The following ADGRV1 variants were observed in gnomAD, a reference collection of about 807,000 sequenced individuals.
The protein encoded by ADGRV1 is adhesion G protein-coupled receptor V1.
A neutral mutation model predicts 596.2 loss-of-function variants in ADGRV1; 359 were observed. The ratio of observed to expected loss-of-function variants is 0.60; its 90% CI spans 0.55 to 0.66. The LOEUF (loss-of-function observed/expected upper bound fraction) is 0.66, where lower values mean the gene tolerates loss of function less well. Ranked by LOEUF, ADGRV1 falls within the 30% of genes least tolerant of loss-of-function variation. ADGRV1 has a pLI of 0.00. For missense variants in ADGRV1, 7,274 were observed against 7,575.6 expected (o/e 0.96, Z 1.48); for synonymous variants, 2,681 against 2,679.2 (o/e 1.00, Z -0.02).
chr5:90,923,662 G>T (rs1436118026), intron 83 of ADGRV1, among the ~76,000 whole-genome samples: 1 of 151,926 alleles, frequency 6.6e-6, no homozygotes, highest in East Asian at 1.9e-4. Flanking sequence ...TAAGTTTTAG[G>T]GTACATGTGC....
chr5:91,138,746 G>A (rs550107936), intron 87 of ADGRV1, among the ~76,000 whole-genome samples: 3 of 149,676 alleles, frequency 2.0e-5, no homozygotes, highest in South Asian at 2.1e-4. Flanking sequence ...CCCAGAATTC[G>A]TCATTTTGCC....
At chr5:90,984,097 A>G (rs1232636768) in intron 84 of ADGRV1, among the ~76,000 whole-genome samples, 1 of 152,206 alleles carries the variant, frequency 6.6e-6, no homozygotes, top group Non-Finnish European at 1.5e-5. Context: ...ATCTCATTTA[A>G]TCTTTATAAT....
chr5:90,711,274 T>A lies in ADGRV1; in HGVS notation c.8994T>A (p.Ala2998=). The change falls in exon 41 of 90, where the codon GCT becomes GCA. Residue 2998 remains alanine, a synonymous_variant. Coordinates refer to ENST00000405460, the MANE Select transcript of ADGRV1 (RefSeq NM_032119.4). ...GCCATGTTTCCTTATTTGTGTATGC[T>A]CAGAATTTGGAAGCACAAGTGGGGC... ...PLGHVSLFVY[A]QNLEAQVGLD... 6.2e-7 allele frequency: 1 copy of A among 1,613,160 alleles called. No homozygotes were observed. Among genetic ancestry groups the A allele is most frequent in the Non-Finnish European group, 8.5e-7 (1 of 1,179,376 alleles).
intron 89 of ADGRV1, among the ~76,000 whole-genome samples, chr5:91,162,352 G>C (rs13179009): frequency 0.099 from 15,077 of 152,150 alleles, 902 homozygotes; most frequent in South Asian, 0.2. Context: ...GGTAGGAAGA[G>C]TGGAGGCAGC....
chr5:91,054,233 C>T (rs1786633452), intron 85 of ADGRV1, among the ~76,000 whole-genome samples: 1 of 151,928 alleles, frequency 6.6e-6, no homozygotes, highest in Non-Finnish European at 1.5e-5. Flanking sequence ...TAGTTCAATC[C>T]TAGTTTATTT....
intron 72 of ADGRV1, among the ~76,000 whole-genome samples, chr5:90,806,800 A>G (rs1331979805): frequency 1.3e-5 from 2 of 152,176 alleles, no homozygotes; most frequent in Admixed American, 6.5e-5. Flanking sequence ...AACACAATGG[A>G]AAGTACAGTG....
At chr5:91,160,722 G>C (rs1796872703) in intron 89 of ADGRV1, among the ~76,000 whole-genome samples, 1 of 152,102 alleles carries the variant, frequency 6.6e-6, no homozygotes, top group Non-Finnish European at 1.5e-5. Flanking sequence ...ACCATTTAAT[G>C]AATTGCAAAG....
intron 35 of ADGRV1, among the ~76,000 whole-genome samples, chr5:90,704,009 G>A (rs925582871): frequency 1.3e-5 from 2 of 152,100 alleles, no homozygotes; most frequent in African/African-American, 2.4e-5. Flanking sequence ...TCTGCCTTGA[G>A]TAGTACATTG....
At chr5:90,709,161 C>T (rs1377104901) in intron 39 of ADGRV1, among the ~76,000 whole-genome samples, 1 of 152,038 alleles carries the variant, frequency 6.6e-6, no homozygotes, top group Non-Finnish European at 1.5e-5. Context: ...ATTTGTAATC[C>T]TCAAAATAGC....
At chr5:90,740,272 A>G (rs2222244) in intron 50 of ADGRV1, among the ~76,000 whole-genome samples, 109,203 of 151,868 alleles carry the variant, frequency 0.72, 39,746 homozygotes, top group African/African-American at 0.82. Flanking sequence ...GCTTGGCTAG[A>G]TCACAGCTCT....
chr5:91,042,307 A>T (rs972211803), intron 85 of ADGRV1, among the ~76,000 whole-genome samples: 1 of 152,216 alleles, frequency 6.6e-6, no homozygotes, highest in Admixed American at 6.5e-5. Context: ...ATATCACAGT[A>T]CAGTTGATAT....
chr5:90,559,124 G>A (rs1754470498), intron 1 of ADGRV1, among the ~76,000 whole-genome samples: 1 of 152,120 alleles, frequency 6.6e-6, no homozygotes, highest in Non-Finnish European at 1.5e-5. Context: ...CCAAGGCTGC[G>A]GTTTTGCAGG....
At chr5:91,105,745 C>T (rs1276873179) in intron 87 of ADGRV1, among the ~76,000 whole-genome samples, 1 of 151,990 alleles carries the variant, frequency 6.6e-6, no homozygotes, top group Non-Finnish European at 1.5e-5. Context: ...CAGATATTTT[C>T]TCTCATCTTC....
chr5:90,646,816 C>T (rs1450209851), intron 16 of ADGRV1, among the ~76,000 whole-genome samples: 1 of 150,162 alleles, frequency 6.7e-6, no homozygotes, highest in Non-Finnish European at 1.5e-5. Context: ...GCCCTGTCAC[C>T]AGGCTGGAGT....
intron 50 of ADGRV1, among the ~76,000 whole-genome samples, chr5:90,736,245 C>A (rs1436035727): frequency 6.6e-6 from 1 of 151,774 alleles, no homozygotes; most frequent in East Asian, 1.9e-4. Flanking sequence ...GGTTTTTCTT[C>A]TTTATTTTCT....
intron 89 of ADGRV1, among the ~76,000 whole-genome samples, chr5:91,159,920 G>A (rs973494253): frequency 1.3e-5 from 2 of 152,176 alleles, no homozygotes; most frequent in African/African-American, 2.4e-5. Flanking sequence ...TGGCATTTCT[G>A]TGTTGATCCC....
chr5:91,095,677 C>A (rs537997534), intron 86 of ADGRV1, among the ~76,000 whole-genome samples: 3 of 152,048 alleles, frequency 2.0e-5, no homozygotes, highest in Non-Finnish European at 4.4e-5. Flanking sequence ...GAATAAAGAC[C>A]TATGTTTTAG....
chr5:90,659,383 T>A (rs1769907258), intron 21 of ADGRV1, among the ~76,000 whole-genome samples: 1 of 152,220 alleles, frequency 6.6e-6, no homozygotes. Flanking sequence ...ACCAGTGTGA[T>A]AGTGACATTA....
chr5:90,923,019 T>G (rs1366702401), intron 83 of ADGRV1, among the ~76,000 whole-genome samples: 1 of 140,802 alleles, frequency 7.1e-6, no homozygotes, highest in Non-Finnish European at 1.6e-5. Context: ...TATCTAATGG[T>G]CCTATAAGAA....
Sources: gnomAD v4.1 joint callset for allele counts (sites outside exome capture counted in the v4.1 genomes callset) on GRCh38, gnomAD v4.1.1 for gene constraint, MANE v1.5 for transcripts, NCBI Gene and HGNC (gene_info 2026-07-23, HGNC 2026-07-21) for gene names.